The following CNTNAP5 variants were observed in gnomAD, a reference collection of about 807,000 sequenced individuals.
CNTNAP5 encodes contactin-associated protein-like 5.
Under a neutral mutation model 150.2 loss-of-function variants are expected in CNTNAP5, and 72 were observed. That is an observed-to-expected ratio of 0.48 (90% CI 0.40 to 0.58). The LOEUF is 0.58. CNTNAP5 is among the 20% of genes least tolerant of loss of function. The pLI is 0.00. For missense variants in CNTNAP5, 1,636 were observed against 1,626.2 expected (o/e 1.01, Z -0.10); for synonymous variants, 672 against 619.8 (o/e 1.08, Z -1.25).
At chr2:124,670,043 C>T (rs1678778331) in intron 13 of CNTNAP5, among the ~76,000 whole-genome samples, 1 of 152,124 alleles carries the variant, frequency 6.6e-6, no homozygotes, top group South Asian at 2.1e-4. Context: ...ACCAGGGGCC[C>T]TCTTAGACCT....
intron 14 of CNTNAP5, among the ~76,000 whole-genome samples, chr2:124,758,718 G>T (rs1243156265): frequency 1.3e-5 from 2 of 152,056 alleles, no homozygotes; most frequent in African/African-American, 2.4e-5. Context: ...GAGAGATAGG[G>T]TTGAGGATGA....
chr2:124,851,373 T>C (rs891165365), intron 19 of CNTNAP5, among the ~76,000 whole-genome samples: 2 of 152,154 alleles, frequency 1.3e-5, no homozygotes, highest in Non-Finnish European at 2.9e-5. Context: ...GAAAGAAAGT[T>C]GCAGAAGTTT....
At chr2:124,145,992 C>T (rs997419998) in intron 1 of CNTNAP5, among the ~76,000 whole-genome samples, 3 of 151,892 alleles carry the variant, frequency 2.0e-5, no homozygotes, top group African/African-American at 4.8e-5. Flanking sequence ...GGCATTTGTA[C>T]AGCAATTTTT....
intron 10 of CNTNAP5, among the ~76,000 whole-genome samples, chr2:124,534,637 G>T (rs530541020): frequency 6.6e-6 from 1 of 152,164 alleles, no homozygotes; most frequent in Admixed American, 6.5e-5. Context: ...CATTTTGGGA[G>T]GCCAAGGCAG....
At chr2:124,565,951 C>A (rs1327208690) in intron 11 of CNTNAP5, among the ~76,000 whole-genome samples, 2 of 99,572 alleles carry the variant, frequency 2.0e-5, no homozygotes, top group East Asian at 1.9e-4. Flanking sequence ...ATTGAGGGAT[C>A]CTTTTTTTTT....
At chr2:124,599,759 G>A (rs1004696801) in intron 11 of CNTNAP5, among the ~76,000 whole-genome samples, 17 of 152,096 alleles carry the variant, frequency 1.1e-4, no homozygotes, top group Non-Finnish European at 2.2e-4. Flanking sequence ...TGGAGATGGA[G>A]TATTACTTAC....
At chr2:124,897,204 A>G (rs1678324065) in intron 21 of CNTNAP5, among the ~76,000 whole-genome samples, 1 of 151,560 alleles carries the variant, frequency 6.6e-6, no homozygotes, top group South Asian at 2.1e-4. Context: ...TATACATGTT[A>G]GTACATTTTC....
chr2:124,297,197 C>T (rs1252671619), intron 3 of CNTNAP5, among the ~76,000 whole-genome samples: 1 of 152,200 alleles, frequency 6.6e-6, no homozygotes, highest in Non-Finnish European at 1.5e-5. Flanking sequence ...TTGGTCCAAA[C>T]TCATGGTATG....
Position 124,865,165 on chromosome 2 carries a change from T to C in CNTNAP5, c.3218-141T>C, listed in dbSNP as rs548480391. ...TTTTCTTTAGGGACCCTGATAAATATACGTGATATATTTTTAAAAATTGAA... is the reference window on the plus strand; with the variant it reads ...TTTTCTTTAGGGACCCTGATAAATACACGTGATATATTTTTAAAAATTGAA... On this transcript the variant is annotated intron_variant, in intron 19 of 23. Transcript: ENST00000682447. 211 of 646,408 alleles carry C rather than the reference T, an allele frequency of 3.3e-4. No individual in the cohort carries two copies. The African/African-American group carries it at 3.6e-3, about 11-fold the overall frequency. The allele number at this position is 646,408 out of a possible 1,614,324, so 40.0% of individuals were successfully genotyped here.
At chr2:124,724,368 G>T (rs570912514) in intron 13 of CNTNAP5, among the ~76,000 whole-genome samples, 2 of 151,992 alleles carry the variant, frequency 1.3e-5, no homozygotes, top group African/African-American at 4.8e-5. Context: ...CCACACCCTC[G>T]CCAGGGGCAT....
At chr2:124,333,031 T>C (rs1395676468) in intron 3 of CNTNAP5, among the ~76,000 whole-genome samples, 2 of 152,116 alleles carry the variant, frequency 1.3e-5, no homozygotes, top group Non-Finnish European at 2.9e-5. Flanking sequence ...CATAAAAATA[T>C]AGGCAGACCA....
intron 2 of CNTNAP5, among the ~76,000 whole-genome samples, chr2:124,225,206 C>T (rs959830774): frequency 6.6e-6 from 1 of 152,102 alleles, no homozygotes; most frequent in African/African-American, 2.4e-5. Flanking sequence ...GAGAACTTCC[C>T]ATGAGCCCTC....
At chr2:124,202,752 G>C (rs1295789790) in intron 1 of CNTNAP5, among the ~76,000 whole-genome samples, 1 of 152,058 alleles carries the variant, frequency 6.6e-6, no homozygotes, top group Non-Finnish European at 1.5e-5. Context: ...TAGACCATTA[G>C]ATTTTGTGAG....
At chr2:124,187,786 C>T (rs1685368289) in intron 1 of CNTNAP5, among the ~76,000 whole-genome samples, 1 of 152,168 alleles carries the variant, frequency 6.6e-6, no homozygotes, top group Non-Finnish European at 1.5e-5. Context: ...GTTCAACTTC[C>T]CTTCCTGGTC....
At chr2:124,168,519 G>A (rs899439468) in intron 1 of CNTNAP5, among the ~76,000 whole-genome samples, 1 of 152,150 alleles carries the variant, frequency 6.6e-6, no homozygotes, top group African/African-American at 2.4e-5. Context: ...AAGAGTTGGA[G>A]CAAACCTGCT....
intron 17 of CNTNAP5, among the ~76,000 whole-genome samples, chr2:124,789,494 G>A (rs1681670866): frequency 6.6e-6 from 1 of 152,040 alleles, no homozygotes; most frequent in African/African-American, 2.4e-5. Flanking sequence ...AGATTATTTT[G>A]TCACCCAGGT....
intron 1 of CNTNAP5, among the ~76,000 whole-genome samples, chr2:124,158,806 G>A (rs1684607622): frequency 6.6e-6 from 1 of 152,156 alleles, no homozygotes; most frequent in Admixed American, 6.6e-5. Flanking sequence ...TCTCACTAGG[G>A]TGAACATTTG....
chr2:124,709,755 A>T (rs1679767506), intron 13 of CNTNAP5, among the ~76,000 whole-genome samples: 1 of 152,204 alleles, frequency 6.6e-6, no homozygotes, highest in Non-Finnish European at 1.5e-5. Context: ...GGGATAATTA[A>T]TCCACCAGAT....
chr2:124,502,806 G>T (rs1270433389), intron 7 of CNTNAP5, among the ~76,000 whole-genome samples: 1 of 152,150 alleles, frequency 6.6e-6, no homozygotes, highest in East Asian at 1.9e-4. Context: ...AGCACTCAGT[G>T]CAGAGGATGG....
Sources: allele counts gnomAD v4.1 joint callset (sites outside exome capture counted in the v4.1 genomes callset), GRCh38; gene constraint gnomAD v4.1.1; transcripts MANE v1.5; gene names NCBI Gene and HGNC (gene_info 2026-07-23, HGNC 2026-07-21).